The following ARHGAP6 variants were observed in gnomAD, a reference collection of about 807,000 sequenced individuals.
The protein encoded by ARHGAP6 is Rho GTPase activating protein 6.
Under a neutral mutation model 55.7 loss-of-function variants are expected in ARHGAP6, and 16 were observed. That is an observed-to-expected ratio of 0.29 (90% CI 0.19 to 0.44). ARHGAP6 has a LOEUF of 0.44. ARHGAP6 is among the 20% of genes least tolerant of loss of function. ARHGAP6 has a pLI of 1.00. For missense variants in ARHGAP6, 698 were observed against 808.9 expected, an observed-to-expected ratio of 0.86 and a Z score of 1.66; for synonymous variants, 382 against 360.9, an observed-to-expected ratio of 1.06 and a Z score of -0.66.
chrX:11,464,296 A>G (rs1000904447), intron 1 of ARHGAP6, among the ~76,000 whole-genome samples: 2 of 112,232 alleles, frequency 1.8e-5, no homozygotes, highest in African/African-American at 6.5e-5. Context: ...ACTGCATTCA[A>G]TACAATGTAT....
intron 8 of ARHGAP6, among the ~76,000 whole-genome samples, chrX:11,172,419 T>A (rs2046105215): frequency 8.9e-6 from 1 of 112,002 alleles, no homozygotes; most frequent in Non-Finnish European, 1.9e-5. Context: ...CAAATACGTG[T>A]CATTTTCAAA....
At chrX:11,660,570 A>C (rs1292483673) in intron 1 of ARHGAP6, among the ~76,000 whole-genome samples, 1 of 86,284 alleles carries the variant, frequency 1.2e-5, no homozygotes, top group Non-Finnish European at 2.2e-5. Context: ...AAAAAAAAAA[A>C]AAAAAAAACC....
chrX:11,208,225 T>C (rs138279341), intron 2 of ARHGAP6, among the ~76,000 whole-genome samples: 282 of 111,281 alleles, frequency 2.5e-3, no homozygotes, highest in Middle Eastern at 0.014. Flanking sequence ...GACTGTGGTG[T>C]GCCCCGTGGA....
intron 1 of ARHGAP6, among the ~76,000 whole-genome samples, chrX:11,631,910 C>A (rs1260474123): frequency 8.9e-6 from 1 of 111,758 alleles, no homozygotes; most frequent in Non-Finnish European, 1.9e-5. Context: ...AAAAAGCATT[C>A]TTTGCTCACA....
At chrX:11,374,301 C>T (rs932310615) in intron 1 of ARHGAP6, among the ~76,000 whole-genome samples, 1 of 111,792 alleles carries the variant, frequency 8.9e-6, no homozygotes, top group African/African-American at 3.3e-5. Context: ...TAGTCACTCC[C>T]TCTCAGGTGG....
rs1231545576 is a variant in ARHGAP6, at chrX:11,196,473, GA to G, written c.820+451del. On this transcript the variant is annotated intron_variant, in intron 3 of 12. Coordinates refer to ENST00000337414, the MANE Select transcript of ARHGAP6 (RefSeq NM_013427.3). ...GCAAATAAATATTTTTCAACTGGGT[GA>G]AAAAAAAAATGCTGAGAATGGCCTA... Among the ~76,000 whole-genome samples the G allele has an allele frequency of 6.5e-3, 698 of 107,107 alleles. 20 individuals carry two copies. The highest frequency in any genetic ancestry group is 0.062 in the Admixed American group (617 of 10,030). 93.0% of individuals were successfully genotyped at this position (107,107 alleles called of 115,157 possible).
intron 1 of ARHGAP6, among the ~76,000 whole-genome samples, chrX:11,363,075 T>G (rs1010685973): frequency 9.0e-6 from 1 of 111,616 alleles, no homozygotes; most frequent in Non-Finnish European, 1.9e-5. Flanking sequence ...AGGTAGAGGA[T>G]TTTTCCAACA....
At chrX:11,571,172 GC>G (rs2051511004) in intron 1 of ARHGAP6, among the ~76,000 whole-genome samples, 1 of 111,803 alleles carries the variant, frequency 8.9e-6, no homozygotes, top group Non-Finnish European at 1.9e-5. Context: ...TTTTGTAATG[GC>G]AGCACAAATG....
chrX:11,662,252 G>A (rs887137337), intron 1 of ARHGAP6, among the ~76,000 whole-genome samples: 3 of 111,908 alleles, frequency 2.7e-5, no homozygotes, highest in African/African-American at 9.8e-5. Flanking sequence ...GTTCCAGGGC[G>A]TTAAACCTTT....
intron 1 of ARHGAP6, among the ~76,000 whole-genome samples, chrX:11,505,184 G>A (rs1387856576): frequency 1.8e-5 from 2 of 110,978 alleles, no homozygotes; most frequent in Non-Finnish European, 3.8e-5. Flanking sequence ...CTCTGTGGCA[G>A]CCTAGGCAGG....
At chrX:11,152,911 C>A (rs2045804229) in intron 10 of ARHGAP6, among the ~76,000 whole-genome samples, 1 of 111,781 alleles carries the variant, frequency 8.9e-6, no homozygotes, top group Non-Finnish European at 1.9e-5. Context: ...ACCAGAATCT[C>A]TGAGGGGTGG....
At chrX:11,439,715 T>G (rs1348523324) in intron 1 of ARHGAP6, among the ~76,000 whole-genome samples, 1 of 112,418 alleles carries the variant, frequency 8.9e-6, no homozygotes, top group Non-Finnish European at 1.9e-5. Context: ...TCAAGAGGAC[T>G]TCCAAATTGG....
intron 2 of ARHGAP6, among the ~76,000 whole-genome samples, chrX:11,218,834 C>T (rs1341807595): frequency 1.8e-5 from 2 of 109,904 alleles, no homozygotes; most frequent in Non-Finnish European, 3.8e-5. Flanking sequence ...TTTATTGTGT[C>T]TATTTGATTC....
rs902123300 is a variant in ARHGAP6, at chrX:11,566,466, CTT to C, written c.588+97773_588+97774del. 5.4e-5 allele frequency among the ~76,000 whole-genome samples: 6 copies of C among 111,939 alleles called. No homozygotes were observed. In the East Asian group the frequency reaches 1.7e-3, roughly 31 times the overall value. ...TTCCCTTGGAGATTACATTCTCACTCTTTGTTGTCTTTGTAGAATTGCTGATC... is the reference window on the plus strand; with the variant it reads ...TTCCCTTGGAGATTACATTCTCACTCTGTTGTCTTTGTAGAATTGCTGATC... On this transcript the variant is annotated intron_variant, in intron 1 of 12. Transcript: ENST00000337414.
At chrX:11,254,835 A>G (rs1602966561) in intron 1 of ARHGAP6, 128 bp from the exon 2 acceptor site, 1 of 813,391 alleles carries the variant, frequency 1.2e-6, no homozygotes, top group East Asian at 3.5e-5. Context: ...TTGGGTCTCA[A>G]TTCCCAAAGT....
chrX:11,416,159 T>C (rs777148324), intron 1 of ARHGAP6, among the ~76,000 whole-genome samples: 22 of 111,657 alleles, frequency 2.0e-4, no homozygotes, highest in Non-Finnish European at 3.6e-4. Context: ...AGAAATATCA[T>C]GGAAGGCCTC....
At chrX:11,446,713 A>G (rs2050095956) in intron 1 of ARHGAP6, among the ~76,000 whole-genome samples, 1 of 112,247 alleles carries the variant, frequency 8.9e-6, no homozygotes, top group African/African-American at 3.2e-5. Flanking sequence ...TTAATAATAA[A>G]TATTTAATAG....
chrX:11,370,893 A>AAACAACAAC (rs751345129), intron 1 of ARHGAP6, among the ~76,000 whole-genome samples: 1 of 110,108 alleles, frequency 9.1e-6, no homozygotes, highest in Non-Finnish European at 1.9e-5. Context: ...GTATGCTTAC[A>AAACAACAAC]AACAACAACA....
At chrX:11,178,445 G>A (rs755786558) in intron 7 of ARHGAP6, among the ~76,000 whole-genome samples, 197 bp from the exon 8 acceptor site, 1 of 107,420 alleles carries the variant, frequency 9.3e-6, no homozygotes. Context: ...ATTAGACCTC[G>A]AGAAGTGTAA....
Sources: allele counts gnomAD v4.1 joint callset (sites outside exome capture counted in the v4.1 genomes callset), GRCh38; gene constraint gnomAD v4.1.1; transcripts MANE v1.5; gene names NCBI Gene and HGNC (gene_info 2026-07-23, HGNC 2026-07-21).